Variants in DCC observed in about 807,000 individuals in gnomAD.
DCC encodes the protein DCC netrin 1 receptor.
Under a neutral mutation model 172.5 loss-of-function variants are expected in DCC, and 58 were observed. The observed-to-expected ratio is 0.34, with a 90% CI of 0.27 to 0.42. DCC has a LOEUF of 0.42. Among genes scored for constraint, DCC ranks in the 10% least tolerant of loss-of-function variants. The pLI, the probability that DCC is intolerant of heterozygous loss-of-function variation, is 1.00. For synonymous variants in DCC, 709 were observed against 644.5 expected (o/e 1.10, Z -1.52); for missense variants, 1,740 against 1,791.0 (o/e 0.97, Z 0.51).
rs533318239 is a variant in DCC at position 52,969,522 on chromosome 18, T to G, written c.985+44152T>G. Reference sequence around the variant, plus strand: ...TATAAATTCCCTAGAACCTACTTAGTTGACTTACTTATCTCAACCAGATTA... The same window carrying G: ...TATAAATTCCCTAGAACCTACTTAGGTGACTTACTTATCTCAACCAGATTA... On this transcript the variant is annotated intron_variant, in intron 5 of 28. Coordinates refer to ENST00000442544, the MANE Select transcript of DCC (RefSeq NM_005215.4). Among the ~76,000 whole-genome samples, 86 of 151,890 alleles carry G rather than the reference T, an allele frequency of 5.7e-4. 2 individuals carry two copies. The South Asian group carries it at 0.018, about 31-fold the overall frequency.
chr18:52,823,105 C>G lies in DCC; in HGVS notation c.412+70731C>G, dbSNP rs149282152. On this transcript the variant is annotated intron_variant, in intron 2 of 28. Transcript: ENST00000442544. ...TGTATTCTCAGGCTATTCCAACAGGCAATACCTCTGAGATGCAGTGTCCCC... is the reference window on the plus strand; with the variant it reads ...TGTATTCTCAGGCTATTCCAACAGGGAATACCTCTGAGATGCAGTGTCCCC... Among the ~76,000 whole-genome samples the G allele has an allele frequency of 2.6e-4, 39 of 152,310 alleles. 1 individual carries two copies. Among genetic ancestry groups the G allele is most frequent in the South Asian group, 4.1e-4 (2 of 4,826 alleles).
At position 52,752,151 on chromosome 18, in the gene DCC, G is replaced by A. The variant is rs1442612330; in HGVS notation, c.189G>A (p.Ala63=). ...GAAATGTCCTCCTCGACTGCTCCGC[G>A]GAGTCCGACCGAGGAGTTCCAGTGA... ...RGGNVLLDCS[A]ESDRGVPVIK... The change falls in exon 2 of 29, where the codon GCG becomes GCA. Residue 63 remains alanine, a synonymous_variant. Transcript: ENST00000442544. 4 of 1,613,976 alleles carry A rather than the reference G, an allele frequency of 2.5e-6. No individual in the cohort carries two copies. The highest frequency in any genetic ancestry group is 1.7e-5 in the Admixed American group (1 of 59,998).
At chr18:52,841,496 C>T (rs1431388199) in intron 2 of DCC, among the ~76,000 whole-genome samples, 2 of 152,118 alleles carry the variant, frequency 1.3e-5, no homozygotes, top group Admixed American at 6.6e-5. Flanking sequence ...TTAGATAAAA[C>T]ACTGTAAAAG....
intron 27 of DCC, among the ~76,000 whole-genome samples, chr18:53,515,710 G>A (rs111790879): frequency 6.6e-6 from 1 of 151,126 alleles, no homozygotes; most frequent in South Asian, 2.1e-4. Context: ...TTGCTTCAAA[G>A]AGAATAAAAT....
At chr18:52,519,850 A>T (rs2031755652) in intron 1 of DCC, among the ~76,000 whole-genome samples, 2 of 152,204 alleles carry the variant, frequency 1.3e-5, no homozygotes, top group Admixed American at 6.5e-5. Context: ...TCAATGAACC[A>T]TGATGGACAG....
chr18:53,506,959 C>CTCT (rs1412020818), intron 27 of DCC, among the ~76,000 whole-genome samples: 1 of 151,816 alleles, frequency 6.6e-6, no homozygotes, highest in Non-Finnish European at 1.5e-5. Flanking sequence ...ACTGATTTTG[C>CTCT]TCTTCTGAAT....
chr18:52,929,850 ACACACACACACACT>A (rs1245393265), intron 5 of DCC, among the ~76,000 whole-genome samples: 1 of 149,108 alleles, frequency 6.7e-6, no homozygotes, highest in Non-Finnish European at 1.5e-5. Flanking sequence ...ACACACACAC[ACACACACACACACT>A]CACGTTTGTT....
intron 9 of DCC, among the ~76,000 whole-genome samples, chr18:53,188,524 C>G (rs1481244104): frequency 6.6e-6 from 1 of 152,190 alleles, no homozygotes; most frequent in African/African-American, 2.4e-5. Flanking sequence ...TTAAGGAACA[C>G]TGCTAACTGA....
At chr18:53,523,561 T>C (rs1016043739) in intron 27 of DCC, among the ~76,000 whole-genome samples, 1 of 152,108 alleles carries the variant, frequency 6.6e-6, no homozygotes, top group Admixed American at 6.5e-5. Context: ...ATATATACCA[T>C]GGAATACAAT....
chr18:53,368,950 G>A (rs867977733), intron 15 of DCC, among the ~76,000 whole-genome samples: 1 of 151,872 alleles, frequency 6.6e-6, no homozygotes, highest in Non-Finnish European at 1.5e-5. Context: ...ATGAGTTTTA[G>A]ATGAGTTTTC....
At chr18:53,301,057 C>T (rs991427466) in intron 12 of DCC, among the ~76,000 whole-genome samples, 6 of 137,828 alleles carry the variant, frequency 4.4e-5, no homozygotes, top group African/African-American at 1.6e-4. Context: ...CTTTCCTGTC[C>T]TTTCCTCTCC....
At chr18:52,650,245 C>G (rs548230147) in intron 1 of DCC, among the ~76,000 whole-genome samples, 2 of 152,206 alleles carry the variant, frequency 1.3e-5, no homozygotes, top group East Asian at 3.9e-4. Context: ...TCCTACGGTA[C>G]TGGGATTACA....
intron 9 of DCC, among the ~76,000 whole-genome samples, chr18:53,203,279 A>G (rs572007389): frequency 1.3e-5 from 2 of 151,768 alleles, no homozygotes; most frequent in Non-Finnish European, 2.9e-5. Context: ...ATATTTTGGT[A>G]TATATATTTC....
At chr18:52,436,044 A>G (rs745975959) in intron 1 of DCC, among the ~76,000 whole-genome samples, 5 of 152,202 alleles carry the variant, frequency 3.3e-5, no homozygotes, top group Non-Finnish European at 5.9e-5. Flanking sequence ...TGGGATGCCT[A>G]TCACACACGG....
intron 1 of DCC, among the ~76,000 whole-genome samples, chr18:52,374,983 G>A (rs536693846): frequency 1.6e-4 from 25 of 152,226 alleles, no homozygotes; most frequent in African/African-American, 5.8e-4. Flanking sequence ...CCAGAACATT[G>A]ACTTGTCTAC....
intron 7 of DCC, among the ~76,000 whole-genome samples, chr18:53,142,964 A>G (rs1032596281): frequency 7.6e-6 from 1 of 132,318 alleles, no homozygotes; most frequent in African/African-American, 2.5e-5. Flanking sequence ...GGGTATATCC[A>G]AAGTTTTTTT....
chr18:52,404,827 A>G (rs551258806), intron 1 of DCC, among the ~76,000 whole-genome samples: 1,763 of 109,698 alleles, frequency 0.016, 19 homozygotes, highest in Middle Eastern at 0.041. Context: ...CCCACCCGAC[A>G]ACAGTCCCCA....
At chr18:53,097,211 G>A (rs914768548) in intron 7 of DCC, among the ~76,000 whole-genome samples, 1 of 152,126 alleles carries the variant, frequency 6.6e-6, no homozygotes, top group African/African-American at 2.4e-5. Flanking sequence ...TATATCTTCT[G>A]TTTTTAGTTT....
At chr18:53,469,969 C>G (rs1454862173) in intron 25 of DCC, among the ~76,000 whole-genome samples, 2 of 152,124 alleles carry the variant, frequency 1.3e-5, no homozygotes, top group Admixed American at 6.6e-5. Context: ...CCCTGAAACA[C>G]TTTCTCTTTG....
Sources: gnomAD v4.1 joint callset for allele counts (sites outside exome capture counted in the v4.1 genomes callset) on GRCh38, gnomAD v4.1.1 for gene constraint, MANE v1.5 for transcripts, NCBI Gene and HGNC (gene_info 2026-07-23, HGNC 2026-07-21) for gene names.